Variants in MECOM observed in about 807,000 individuals in gnomAD.
MECOM encodes histone-lysine N-methyltransferase MECOM.
In MECOM, 13 loss-of-function variants were observed where a neutral mutation model predicts 116.3. The observed-to-expected ratio is 0.11, with a 90% CI of 0.07 to 0.18. The LOEUF (loss-of-function observed/expected upper bound fraction) is 0.18. Ranked by LOEUF, MECOM falls within the 10% of genes least tolerant of loss-of-function variation. MECOM has a pLI of 1.00. For missense variants in MECOM, 1,299 were observed against 1,509.0 expected (o/e 0.86, Z 2.31); for synonymous variants, 528 against 535.2 (o/e 0.99, Z 0.19).
intron 1 of MECOM, among the ~76,000 whole-genome samples, chr3:169,537,223 T>C (rs573429328): frequency 2.0e-5 from 3 of 152,332 alleles, no homozygotes; most frequent in African/African-American, 7.2e-5. Flanking sequence ...TATGATTCCA[T>C]TACTCATCCC....
chr3:169,640,790 C>A (rs1773373888), intron 1 of MECOM, among the ~76,000 whole-genome samples: 1 of 152,190 alleles, frequency 6.6e-6, no homozygotes, highest in Non-Finnish European at 1.5e-5. Context: ...GCCCCTAAAT[C>A]CTATGCCTCC....
intron 1 of MECOM, among the ~76,000 whole-genome samples, chr3:169,393,541 C>T (rs1203098769): frequency 1.3e-5 from 2 of 152,122 alleles, no homozygotes; most frequent in Non-Finnish European, 2.9e-5. Flanking sequence ...ATACCCAAAA[C>T]TCACATATTT....
At chr3:169,414,141 C>T (rs118148420) in intron 1 of MECOM, among the ~76,000 whole-genome samples, 23 of 152,206 alleles carry the variant, frequency 1.5e-4, no homozygotes, top group East Asian at 1.4e-3. Flanking sequence ...AGGACAGCTC[C>T]GGCTGGTATA....
chr3:169,183,757 TACATACACACACACACACACAC>T (rs1244110607), intron 2 of MECOM, among the ~76,000 whole-genome samples: 159 of 84,578 alleles, frequency 1.9e-3, no homozygotes, highest in East Asian at 0.015. Flanking sequence ...AGAAGATACA[TACATACACACACACACACACAC>T]ACACACACAC....
chr3:169,652,968 C>A (rs936105585), intron 1 of MECOM, among the ~76,000 whole-genome samples: 1 of 152,170 alleles, frequency 6.6e-6, no homozygotes, highest in Non-Finnish European at 1.5e-5. Context: ...CTTTGACATT[C>A]TCCAGAATCA....
At chr3:169,632,338 A>G (rs74724511) in intron 1 of MECOM, among the ~76,000 whole-genome samples, 107 of 152,306 alleles carry the variant, frequency 7.0e-4, no homozygotes, top group Non-Finnish European at 1.0e-3. Flanking sequence ...TTCATGCAAA[A>G]TATTCCATTC....
chr3:169,506,755 G>A (rs952433255), intron 1 of MECOM, among the ~76,000 whole-genome samples: 1 of 152,172 alleles, frequency 6.6e-6, no homozygotes, highest in African/African-American at 2.4e-5. Context: ...ACCCCAGGGT[G>A]AGGAGGTAGT....
chr3:169,128,165 T>C (rs1360249699), intron 4 of MECOM, 105 bp from the exon 5 acceptor site: 20 of 918,414 alleles, frequency 2.2e-5, no homozygotes, highest in Non-Finnish European at 3.3e-5. Context: ...TATTTGATTG[T>C]CATTTCTATC....
chr3:169,523,768 A>G (rs1757628794), intron 1 of MECOM, among the ~76,000 whole-genome samples: 1 of 151,908 alleles, frequency 6.6e-6, no homozygotes. Flanking sequence ...TAATTTTTCA[A>G]TACAAGTATA....
intron 1 of MECOM, among the ~76,000 whole-genome samples, chr3:169,518,473 T>G (rs542346926): frequency 6.6e-6 from 1 of 152,128 alleles, no homozygotes; most frequent in Non-Finnish European, 1.5e-5. Flanking sequence ...CTGGACTCAT[T>G]GTTGAGTCTG....
At chr3:169,455,977 AG>A (rs1434127724) in intron 1 of MECOM, among the ~76,000 whole-genome samples, 1 of 152,208 alleles carries the variant, frequency 6.6e-6, no homozygotes, top group Non-Finnish European at 1.5e-5. Context: ...GGCCTGCAAA[AG>A]TTATCATTTC....
rs376430386 is a variant in MECOM, at chr3:169,662,366, G to A, written c.37+970C>T. On this transcript the variant is annotated intron_variant, in intron 1 of 16. Coordinates refer to ENST00000651503, the MANE Select transcript of MECOM (RefSeq NM_004991.4). ...GCCCGCCCCCTGGGGTTTGCTCGGC[G>A]CCCAGCAAGCCCGAGGTGCGCGGGT... Among the ~76,000 whole-genome samples the A allele has an allele frequency of 5.3e-5, 8 of 152,262 alleles. No homozygotes were observed. The East Asian group carries it at 1.6e-3, about 30-fold the overall frequency.
At chr3:169,464,670 G>A (rs1196968370) in intron 1 of MECOM, among the ~76,000 whole-genome samples, 3 of 151,962 alleles carry the variant, frequency 2.0e-5, no homozygotes, top group Non-Finnish European at 4.4e-5. Flanking sequence ...GAGCTTTATG[G>A]TCATATGTAT....
rs183874665 is a variant in MECOM, at chr3:169,536,591, G to A, written c.37+126745C>T. On this transcript the variant is annotated intron_variant, in intron 1 of 16. Transcript: ENST00000651503. ...AAAAAGAAAAAAATTAGTGGAGCTA[G>A]AGTTCTGAGGATAGCAGATGTTTAA... is the stretch of plus-strand genomic sequence containing the variant. Among the ~76,000 whole-genome samples, 144 of 152,060 alleles carry A rather than the reference G, an allele frequency of 9.5e-4. 1 individual carries two copies. Among genetic ancestry groups the A allele is most frequent in the African/African-American group, 3.4e-3 (143 of 41,500 alleles).
At chr3:169,629,253 A>C (rs747571203) in intron 1 of MECOM, among the ~76,000 whole-genome samples, 3 of 151,972 alleles carry the variant, frequency 2.0e-5, no homozygotes, top group Non-Finnish European at 2.9e-5. Context: ...AAATGTCTAT[A>C]AATACAAGAT....
At chr3:169,619,275 G>GA (rs1386034903) in intron 1 of MECOM, among the ~76,000 whole-genome samples, 1 of 152,196 alleles carries the variant, frequency 6.6e-6, no homozygotes, top group African/African-American at 2.4e-5. Flanking sequence ...GAAGGCCGAG[G>GA]AGAGAGCCAG....
intron 2 of MECOM, among the ~76,000 whole-genome samples, chr3:169,227,553 A>G (rs868429369): frequency 1.2e-4 from 19 of 152,146 alleles, no homozygotes; most frequent in African/African-American, 4.6e-4. Flanking sequence ...TTATGGGGAC[A>G]GAGATCTCAT....
intron 2 of MECOM, among the ~76,000 whole-genome samples, chr3:169,200,067 G>A (rs1298249667): frequency 6.6e-6 from 1 of 152,100 alleles, no homozygotes; most frequent in Non-Finnish European, 1.5e-5. Flanking sequence ...CATGAATGGA[G>A]TGGGAGCTGG....
chr3:169,321,042 G>T (rs1720761704), intron 2 of MECOM, among the ~76,000 whole-genome samples: 1 of 152,190 alleles, frequency 6.6e-6, no homozygotes, highest in Admixed American at 6.5e-5. Flanking sequence ...GTGCTTCAAA[G>T]CTGGTGTGCT....
Sources: gnomAD v4.1 joint callset for allele counts (sites outside exome capture counted in the v4.1 genomes callset) on GRCh38, gnomAD v4.1.1 for gene constraint, MANE v1.5 for transcripts, NCBI Gene and HGNC (gene_info 2026-07-23, HGNC 2026-07-21) for gene names.